The following DOCK8 variants were observed in gnomAD, a reference collection of about 807,000 sequenced individuals.
DOCK8 encodes dedicator of cytokinesis 8.
In DOCK8, 141 loss-of-function variants were observed where a neutral mutation model predicts 245.6. The ratio of observed to expected loss-of-function variants is 0.57; its 90% CI spans 0.50 to 0.66. The LOEUF (loss-of-function observed/expected upper bound fraction) is 0.66, where lower values mean the gene tolerates loss of function less well. Among genes scored for constraint, DOCK8 ranks in the 30% least tolerant of loss-of-function variants. The pLI is 0.00. For missense variants in DOCK8, 2,965 were observed against 2,603.4 expected, an observed-to-expected ratio of 1.14 and a Z score of -3.02; for synonymous variants, 1,168 against 970.2, an observed-to-expected ratio of 1.20 and a Z score of -3.79.
intron 1 of DOCK8, among the ~76,000 whole-genome samples, chr9:242,142 A>G (rs1489022331): frequency 6.6e-6 from 1 of 152,184 alleles, no homozygotes; most frequent in African/African-American, 2.4e-5. Context: ...TTTCCTGAAG[A>G]TGAAGTTATG....
chr9:410,560 G>A (rs550891996), intron 28 of DOCK8, among the ~76,000 whole-genome samples: 1 of 152,244 alleles, frequency 6.6e-6, no homozygotes, highest in East Asian at 1.9e-4. Context: ...TTTCTTTGGG[G>A]CTATAAATAC....
intron 20 of DOCK8, among the ~76,000 whole-genome samples, chr9:378,425 T>C (rs2053604473): frequency 6.6e-6 from 1 of 152,226 alleles, no homozygotes; most frequent in African/African-American, 2.4e-5. Flanking sequence ...GTGAGACGGC[T>C]TTTAGAGCCA....
At chr9:413,732 TA>T (rs2055861343) in intron 28 of DOCK8, among the ~76,000 whole-genome samples, 1 of 152,182 alleles carries the variant, frequency 6.6e-6, no homozygotes. Context: ...ATGGATATAA[TA>T]AAAAAGACAG....
chr9:318,756 T>C (rs956431234), intron 7 of DOCK8, among the ~76,000 whole-genome samples: 10 of 152,126 alleles, frequency 6.6e-5, no homozygotes, highest in Admixed American at 2.6e-4. Flanking sequence ...GAGGACTGAG[T>C]GGAAGTGGCT....
At chr9:212,731 A>G (rs1046973330), upstream of DOCK8, 2 of 152,214 alleles carry the variant, frequency 1.3e-5, no homozygotes, top group African/African-American at 2.4e-5. Context: ...TACTAAATCT[A>G]TTGCAGTATG....
chr9:217,848 A>T (rs891777705), intron 1 of DOCK8, among the ~76,000 whole-genome samples: 1 of 152,182 alleles, frequency 6.6e-6, no homozygotes, highest in Admixed American at 6.5e-5. Flanking sequence ...AAGGCCATGT[A>T]ATTTTTTCAA....
At chr9:280,972 G>A (rs373206037) in intron 2 of DOCK8, 1 of 152,214 alleles carries the variant, frequency 6.6e-6, no homozygotes. Context: ...TTTCAAAAGG[G>A]GTTGGGCACG....
At chr9:385,101 C>G (rs1344069683) in intron 22 of DOCK8, among the ~76,000 whole-genome samples, 1 of 152,022 alleles carries the variant, frequency 6.6e-6, no homozygotes, top group African/African-American at 2.4e-5. Flanking sequence ...GCTTAGTTTT[C>G]CAGAATTTTT....
rs372691990 is a variant in DOCK8, at chr9:382,934, C to T, written c.2778+249C>T. Among the ~76,000 whole-genome samples the T allele has an allele frequency of 2.0e-4, 30 of 152,164 alleles. No homozygotes were observed. The East Asian group carries it at 3.5e-3, about 18-fold the overall frequency. Reference sequence around the variant, plus strand: ...CTTGGGTAGCAAAGTTTTAAAGCATCAGGGGTTTAGCCACATGGAGTCATG... The same window carrying T: ...CTTGGGTAGCAAAGTTTTAAAGCATTAGGGGTTTAGCCACATGGAGTCATG... On this transcript the variant is annotated intron_variant, in intron 22 of 47. Coordinates refer to ENST00000432829, the MANE Select transcript of DOCK8 (RefSeq NM_203447.4).
chr9:392,368 A>G (rs2054239613), intron 24 of DOCK8, among the ~76,000 whole-genome samples: 1 of 152,192 alleles, frequency 6.6e-6, no homozygotes, highest in Non-Finnish European at 1.5e-5. Context: ...CACACCCAGG[A>G]TTCAAATCCC....
At chr9:219,563 G>A (rs1479406093) in intron 1 of DOCK8, among the ~76,000 whole-genome samples, 1 of 152,106 alleles carries the variant, frequency 6.6e-6, no homozygotes, top group Non-Finnish European at 1.5e-5. Context: ...AAAACAAGGT[G>A]GCAAGAAGAG....
At chr9:303,691 A>G (rs1016771567) in intron 4 of DOCK8, among the ~76,000 whole-genome samples, 5 of 152,216 alleles carry the variant, frequency 3.3e-5, no homozygotes, top group Non-Finnish European at 4.4e-5. Context: ...ATTGAGTACC[A>G]TGGTCACTAT....
rs1203467155 is a variant in DOCK8, at chr9:420,952, A to G, written c.4027A>G (p.Lys1343Glu). 1.2e-6 allele frequency: 2 copies of G among 1,614,080 alleles called. No individual in the cohort carries two copies. Among genetic ancestry groups the G allele is most frequent in the Non-Finnish European group, 1.7e-6 (2 of 1,180,046 alleles). ...CTCCTACCTCTGTCTTGTCCAGGGA[A>G]AACAGAGTTCTGACAAAGTCAGTAC... ...ICVLCFEYKG[K>E]QSSDKVSTQV... is the part of the protein sequence containing the mutation. The change falls in exon 32 of 48, where the codon AAA becomes GAA. Residue 1343 changes from lysine to glutamate, a missense_variant. Physicochemically the swap from Lys to Glu is moderately conservative, Grantham distance 56. Coordinates refer to ENST00000432829, the MANE Select transcript of DOCK8 (RefSeq NM_203447.4).
rs184213655 is a variant in DOCK8 at position 318,482 on chromosome 9, A to G, written c.827+1354A>G. Among the ~76,000 whole-genome samples, 252 of 152,338 alleles carry G rather than the reference A, an allele frequency of 1.7e-3. 2 individuals carry two copies. The highest frequency in any genetic ancestry group is 2.1e-3 in the Non-Finnish European group (141 of 68,030). On this transcript the variant is annotated intron_variant, in intron 7 of 47. Transcript: ENST00000432829. Reference sequence around the variant, plus strand: ...AAATTCCTACCTACCACAAACTTCTATGATTCTAACGCATAGCCTCTGCCA... The same window carrying G: ...AAATTCCTACCTACCACAAACTTCTGTGATTCTAACGCATAGCCTCTGCCA...
intron 1 of DOCK8, chr9:220,643 G>A (rs970504567): frequency 9.2e-6 from 3 of 324,498 alleles, no homozygotes; most frequent in Non-Finnish European, 1.8e-5. Flanking sequence ...ATTAACGTTT[G>A]GCCTATTTGA....
In DOCK8 at chr9:428,501, A is replaced by C; in HGVS notation, c.4473+5A>C. 1.2e-6 allele frequency: 2 copies of C among 1,614,096 alleles called. No individual in the cohort carries two copies. The highest frequency in any genetic ancestry group is 1.7e-6 in the Non-Finnish European group (2 of 1,179,996). ...CTCCGTGCTCTCATCGCCAAGGTAA[A>C]CTTGGGATGCTTGTTTTCTTCCTCT... On this transcript the variant is annotated splice_donor_5th_base_variant and intron_variant, in intron 35 of 47. Transcript: ENST00000432829.
chr9:251,446 C>G (rs753550067), intron 1 of DOCK8, among the ~76,000 whole-genome samples: 1 of 152,164 alleles, frequency 6.6e-6, no homozygotes, highest in Admixed American at 6.5e-5. Flanking sequence ...AAGCTAAAAC[C>G]TGCTCTTTTT....
chr9:449,274 C>G (rs563519883), intron 44 of DOCK8, among the ~76,000 whole-genome samples: 24 of 152,214 alleles, frequency 1.6e-4, no homozygotes, highest in Non-Finnish European at 2.4e-4. Context: ...TGCTTGAACC[C>G]GGGAGGCGGA....
intron 1 of DOCK8, among the ~76,000 whole-genome samples, chr9:222,980 C>G (rs1415916544): frequency 6.6e-6 from 1 of 152,042 alleles, no homozygotes; most frequent in Non-Finnish European, 1.5e-5. Context: ...TTACATAACT[C>G]ATTGTATGTG....
Sources: allele counts gnomAD v4.1 joint callset (sites outside exome capture counted in the v4.1 genomes callset), GRCh38; gene constraint gnomAD v4.1.1; transcripts MANE v1.5; gene names NCBI Gene and HGNC (gene_info 2026-07-23, HGNC 2026-07-21).